Variants in OXR1 observed in about 807,000 individuals in gnomAD.
OXR1 encodes oxidation resistance protein 1.
A neutral mutation model predicts 104.6 loss-of-function variants in OXR1; 41 were observed. That is an observed-to-expected ratio of 0.39 (90% CI 0.31 to 0.51). The LOEUF is 0.51. Ranked by LOEUF, OXR1 falls within the 20% of genes least tolerant of loss-of-function variation. The pLI, the probability that OXR1 is intolerant of heterozygous loss-of-function variation, is 0.77. For missense variants in OXR1, 955 were observed against 1,031.9 expected, an observed-to-expected ratio of 0.93 and a Z score of 1.02; for synonymous variants, 348 against 348.4, an observed-to-expected ratio of 1.00 and a Z score of 0.01.
intron 3 of OXR1, among the ~76,000 whole-genome samples, chr8:106,618,910 A>G (rs1821462579): frequency 1.3e-5 from 2 of 151,918 alleles, no homozygotes; most frequent in South Asian, 4.2e-4. Flanking sequence ...AGTTTTGGTC[A>G]AACAAGCCAA....
intron 3 of OXR1, among the ~76,000 whole-genome samples, chr8:106,611,955 G>A (rs1820847464): frequency 6.6e-6 from 1 of 151,798 alleles, no homozygotes; most frequent in African/African-American, 2.4e-5. Context: ...AAAAAAATAG[G>A]TCATTCTGTT....
chr8:106,294,770 AT>A (rs1206279365), intron 1 of OXR1, among the ~76,000 whole-genome samples: 1 of 152,148 alleles, frequency 6.6e-6, no homozygotes, highest in African/African-American at 2.4e-5. Context: ...TCAACATGAG[AT>A]TTGGGCAGGG....
At chr8:106,320,379 G>GCTAACCAGTGCTGCC (rs927497854) in intron 1 of OXR1, among the ~76,000 whole-genome samples, 3 of 152,144 alleles carry the variant, frequency 2.0e-5, no homozygotes, top group African/African-American at 7.2e-5. Flanking sequence ...AGCCCACAGT[G>GCTAACCAGTGCTGCC]ACAAGGCAGC....
chr8:106,275,804 C>G (rs1235605269), intron 1 of OXR1, among the ~76,000 whole-genome samples: 1 of 152,056 alleles, frequency 6.6e-6, no homozygotes, highest in African/African-American at 2.4e-5. Context: ...CACACACACA[C>G]AGAGCAAGAT....
chr8:106,715,821 G>T (rs1832187640), intron 11 of OXR1, among the ~76,000 whole-genome samples: 1 of 151,964 alleles, frequency 6.6e-6, no homozygotes. Flanking sequence ...GACTCTGCAG[G>T]GTATAATTTC....
intron 1 of OXR1, among the ~76,000 whole-genome samples, chr8:106,329,022 G>GTCTC (rs35481567): frequency 0.31 from 47,654 of 151,682 alleles, 9,968 homozygotes; most frequent in African/African-American, 0.6. Flanking sequence ...CTGAGTTGGA[G>GTCTC]TCTCTGTTGC....
chr8:106,407,878 A>G (rs988885970), intron 2 of OXR1, among the ~76,000 whole-genome samples: 2 of 152,132 alleles, frequency 1.3e-5, no homozygotes, highest in African/African-American at 4.8e-5. Context: ...TTTAAGCATC[A>G]TATTGTTTGG....
intron 2 of OXR1, among the ~76,000 whole-genome samples, chr8:106,432,656 T>C (rs1170694415): frequency 6.6e-6 from 1 of 151,620 alleles, no homozygotes; most frequent in Non-Finnish European, 1.5e-5. Flanking sequence ...TTTTTTTTTC[T>C]GCAAAACTTA....
intron 3 of OXR1, among the ~76,000 whole-genome samples, chr8:106,620,413 A>C (rs1396250955): frequency 1.3e-5 from 2 of 151,966 alleles, no homozygotes; most frequent in Non-Finnish European, 2.9e-5. Context: ...TAAGTTTGTG[A>C]CTTGTATAAT....
At chr8:106,372,599 G>A (rs1816756418) in intron 2 of OXR1, among the ~76,000 whole-genome samples, 1 of 151,996 alleles carries the variant, frequency 6.6e-6, no homozygotes, top group Non-Finnish European at 1.5e-5. Flanking sequence ...TATGTGATGG[G>A]TCACAGTCAA....
At chr8:106,575,123 A>G (rs916649674) in intron 3 of OXR1, among the ~76,000 whole-genome samples, 6 of 152,130 alleles carry the variant, frequency 3.9e-5, no homozygotes, top group African/African-American at 1.4e-4. Context: ...GAAGTTCCAG[A>G]ATTTTTTCAA....
intron 2 of OXR1, among the ~76,000 whole-genome samples, chr8:106,377,473 A>G (rs1322919141): frequency 6.6e-6 from 1 of 152,210 alleles, no homozygotes; most frequent in Non-Finnish European, 1.5e-5. Flanking sequence ...GGTGTGAGCT[A>G]TGGCGACTGA....
At chr8:106,321,953 A>G (rs1304102537) in intron 1 of OXR1, among the ~76,000 whole-genome samples, 1 of 152,222 alleles carries the variant, frequency 6.6e-6, no homozygotes, top group African/African-American at 2.4e-5. Context: ...AATTAAATAA[A>G]AACTCAGCAA....
chr8:106,391,901 A>G (rs1349025342), intron 2 of OXR1, among the ~76,000 whole-genome samples: 1 of 152,154 alleles, frequency 6.6e-6, no homozygotes, highest in Admixed American at 6.6e-5. Flanking sequence ...GGGCACCTTC[A>G]CACCATACCC....
At chr8:106,686,662 A>G (rs1399749831) in intron 6 of OXR1, among the ~76,000 whole-genome samples, 3 of 152,134 alleles carry the variant, frequency 2.0e-5, no homozygotes, top group African/African-American at 4.8e-5. Context: ...TGTTTTTCCC[A>G]GAAATTGTCA....
intron 3 of OXR1, among the ~76,000 whole-genome samples, chr8:106,574,444 C>T (rs1269361074): frequency 2.0e-5 from 3 of 152,198 alleles, no homozygotes; most frequent in African/African-American, 4.8e-5. Context: ...GAAACATGAC[C>T]CAAATGTTGC....
intron 2 of OXR1, among the ~76,000 whole-genome samples, chr8:106,435,572 T>G (rs1789974): frequency 0.28 from 42,231 of 151,976 alleles, 6,091 homozygotes; most frequent in South Asian, 0.37. Context: ...ATCGGGGACT[T>G]CTGAATATGA....
At chr8:106,273,189 G>A (rs1349370117) in intron 1 of OXR1, among the ~76,000 whole-genome samples, 1 of 151,664 alleles carries the variant, frequency 6.6e-6, no homozygotes, top group Non-Finnish European at 1.5e-5. Flanking sequence ...ATCCTGGGAA[G>A]CTTTAGAAAA....
chr8:106,694,666 A>AT, intron 7 of OXR1, among the ~76,000 whole-genome samples: 2 of 110,722 alleles, frequency 1.8e-5, no homozygotes, highest in Non-Finnish European at 3.3e-5. Context: ...ATATAAATAT[A>AT]TGTTTATATA....
Sources: allele counts gnomAD v4.1 joint callset (sites outside exome capture counted in the v4.1 genomes callset), GRCh38; gene constraint gnomAD v4.1.1; transcripts MANE v1.5; gene names NCBI Gene and HGNC (gene_info 2026-07-23, HGNC 2026-07-21).